The following LRRC7 variants were observed in gnomAD, a reference collection of about 807,000 sequenced individuals.
The protein encoded by LRRC7 is leucine rich repeat containing 7.
Under a neutral mutation model 175.7 loss-of-function variants are expected in LRRC7, and 23 were observed. That is an observed-to-expected ratio of 0.13 (90% CI 0.09 to 0.19). The LOEUF (loss-of-function observed/expected upper bound fraction) is 0.19, where lower values mean the gene tolerates loss of function less well. Ranked by LOEUF, LRRC7 falls within the 10% of genes least tolerant of loss-of-function variation. The probability of loss-of-function intolerance (pLI) is 1.00; values close to 1 mark genes in which losing one functional copy is unlikely to be tolerated. For synonymous variants in LRRC7, 685 were observed against 680.9 expected, an observed-to-expected ratio of 1.01 and a Z score of -0.09; for missense variants, 1,354 against 1,904.7, an observed-to-expected ratio of 0.71 and a Z score of 5.38.
At chr1:69,996,480 A>G (rs1376208438) in intron 11 of LRRC7, among the ~76,000 whole-genome samples, 5 of 151,676 alleles carry the variant, frequency 3.3e-5, no homozygotes, top group Middle Eastern at 3.4e-3. Context: ...GCCCATGCCT[A>G]TGTCCTGAAT....
intron 2 of LRRC7, among the ~76,000 whole-genome samples, chr1:69,725,364 T>C (rs1229027796): frequency 6.6e-6 from 1 of 152,034 alleles, no homozygotes; most frequent in Non-Finnish European, 1.5e-5. Context: ...TGTTCAAGGG[T>C]CAACTGTACT....
At chr1:69,610,820 C>T (rs1557481585) in intron 1 of LRRC7, among the ~76,000 whole-genome samples, 2 of 151,736 alleles carry the variant, frequency 1.3e-5, no homozygotes, top group Non-Finnish European at 2.9e-5. Flanking sequence ...AATATTTTAA[C>T]AAATATAATT....
chr1:69,720,873 C>T (rs1249579386), intron 2 of LRRC7, among the ~76,000 whole-genome samples: 1 of 151,348 alleles, frequency 6.6e-6, no homozygotes, highest in African/African-American at 2.4e-5. Context: ...TAAAAGTTAC[C>T]ATCTAACCAC....
chr1:69,669,625 G>T (rs1349258402), intron 1 of LRRC7, among the ~76,000 whole-genome samples: 1 of 152,108 alleles, frequency 6.6e-6, no homozygotes, highest in Non-Finnish European at 1.5e-5. Flanking sequence ...TAGGTGAGGA[G>T]TTATCTGTTA....
At chr1:69,907,199 T>C (rs1213616986) in intron 7 of LRRC7, among the ~76,000 whole-genome samples, 1 of 152,214 alleles carries the variant, frequency 6.6e-6, no homozygotes, top group African/African-American at 2.4e-5. Flanking sequence ...AATCATGTCA[T>C]CTGCAAACAG....
At chr1:69,687,552 G>GAAAAGAAAAAAA (rs1416227318) in intron 2 of LRRC7, among the ~76,000 whole-genome samples, 2 of 130,670 alleles carry the variant, frequency 1.5e-5, no homozygotes, top group Middle Eastern at 4.8e-3. Flanking sequence ...AAAAGAAAAA[G>GAAAAGAAAAAAA]AAAAGAAAAA....
At chr1:69,737,938 G>A (rs1668297007) in intron 2 of LRRC7, among the ~76,000 whole-genome samples, 1 of 152,062 alleles carries the variant, frequency 6.6e-6, no homozygotes, top group Non-Finnish European at 1.5e-5. Context: ...GCAAAGGGAA[G>A]GATGGGCTTT....
chr1:69,735,341 T>C (rs1323899808), intron 2 of LRRC7, among the ~76,000 whole-genome samples: 3 of 152,176 alleles, frequency 2.0e-5, no homozygotes, highest in South Asian at 2.1e-4. Context: ...TTTCATGACA[T>C]TGACTTTTTA....
chr1:70,031,674 A>G (rs947080790), intron 18 of LRRC7, among the ~76,000 whole-genome samples: 1 of 152,208 alleles, frequency 6.6e-6, no homozygotes, highest in Non-Finnish European at 1.5e-5. Flanking sequence ...CTATCTTCTC[A>G]CAGCTAGGAA....
chr1:69,614,681 G>C (rs936931222), intron 1 of LRRC7, among the ~76,000 whole-genome samples: 1 of 151,964 alleles, frequency 6.6e-6, no homozygotes, highest in Non-Finnish European at 1.5e-5. Context: ...TTTACTTATC[G>C]TGGCTCTCCT....
chr1:69,730,338 A>C (rs2100814491), intron 2 of LRRC7, among the ~76,000 whole-genome samples: 1 of 152,208 alleles, frequency 6.6e-6, no homozygotes, highest in South Asian at 2.1e-4. Context: ...TCAGGCTGCA[A>C]ATTTTTTAAA....
intron 1 of LRRC7, among the ~76,000 whole-genome samples, chr1:69,623,701 C>A (rs1651023078): frequency 6.6e-6 from 1 of 152,096 alleles, no homozygotes; most frequent in Non-Finnish European, 1.5e-5. Context: ...CAGGCATGCA[C>A]CAGCACGCCC....
intron 4 of LRRC7, among the ~76,000 whole-genome samples, chr1:69,800,739 T>C (rs1208503400): frequency 6.6e-6 from 1 of 151,968 alleles, no homozygotes; most frequent in Non-Finnish European, 1.5e-5. Context: ...TTCTTTCTCT[T>C]GGTTGAATAC....
rs1256023071 is a variant in LRRC7 at position 69,601,221 on chromosome 1, G to A, written c.2+32580G>A. On this transcript the variant is annotated intron_variant, in intron 1 of 26. Transcript: ENST00000651989. ...CTTCCAGGCCCTCTCCGCTGACAAA[G>A]CAAGGAAATATATGTGTGTATACTA... is the stretch of plus-strand genomic sequence containing the variant. 1.3e-4 allele frequency among the ~76,000 whole-genome samples: 20 copies of A among 152,284 alleles called. No individual in the cohort carries two copies. In the East Asian group the frequency reaches 3.9e-3, roughly 29 times the overall value.
At chr1:69,783,717 A>G (rs1331642900) in intron 3 of LRRC7, among the ~76,000 whole-genome samples, 1 of 139,340 alleles carries the variant, frequency 7.2e-6, no homozygotes, top group South Asian at 2.3e-4. Context: ...ACGCCACTGC[A>G]CTCCAGCCTG....
At chr1:70,068,559 G>T (rs1662144987) in intron 23 of LRRC7, among the ~76,000 whole-genome samples, 1 of 151,576 alleles carries the variant, frequency 6.6e-6, no homozygotes, top group African/African-American at 2.4e-5. Flanking sequence ...GTTTATAGTG[G>T]TTTTTTTCTT....
chr1:70,086,158 G>A (rs1407276707), intron 24 of LRRC7, among the ~76,000 whole-genome samples: 1 of 151,398 alleles, frequency 6.6e-6, no homozygotes, highest in African/African-American at 2.4e-5. Flanking sequence ...TTAGTGAGAG[G>A]GCTCACCCAG....
Position 69,813,581 on chromosome 1 carries a change from C to T in LRRC7, c.422-12167C>T, listed in dbSNP as rs138024190. ...ATGTCTCATTTGCTATTTGTGAATACGGCAATTTTCCATTTTTTAAATTAA... is the reference window on the plus strand; with the variant it reads ...ATGTCTCATTTGCTATTTGTGAATATGGCAATTTTCCATTTTTTAAATTAA... On this transcript the variant is annotated intron_variant, in intron 4 of 26. Transcript: ENST00000651989. 1.4e-4 allele frequency among the ~76,000 whole-genome samples: 21 copies of T among 152,212 alleles called. No individual in the cohort carries two copies. In the East Asian group the frequency reaches 1.7e-3, roughly 13 times the overall value.
chr1:69,741,122 A>G (rs1371904277), intron 2 of LRRC7, among the ~76,000 whole-genome samples: 1 of 152,016 alleles, frequency 6.6e-6, no homozygotes, highest in Non-Finnish European at 1.5e-5. Context: ...ATTTTACTAC[A>G]TGACATGGAA....
Sources: allele counts gnomAD v4.1 joint callset (sites outside exome capture counted in the v4.1 genomes callset), GRCh38; gene constraint gnomAD v4.1.1; transcripts MANE v1.5; gene names NCBI Gene and HGNC (gene_info 2026-07-23, HGNC 2026-07-21).